Variants in LRRTM4 observed in about 807,000 individuals in gnomAD.
LRRTM4 encodes leucine-rich repeat transmembrane neuronal protein 4.
Under a neutral mutation model 47.6 loss-of-function variants are expected in LRRTM4, and 25 were observed. The observed-to-expected ratio is 0.53, with a 90% CI of 0.38 to 0.73. The LOEUF is 0.73. Among genes scored for constraint, LRRTM4 ranks in the 30% least tolerant of loss-of-function variants. The pLI, the probability that LRRTM4 is intolerant of heterozygous loss-of-function variation, is 0.00. For synonymous variants in LRRTM4, 311 were observed against 269.5 expected, an observed-to-expected ratio of 1.15 and a Z score of -1.51; for missense variants, 638 against 713.4, an observed-to-expected ratio of 0.89 and a Z score of 1.20.
Position 77,084,713 on chromosome 2 carries a change from T to A in LRRTM4, c.1552-335797A>T, listed in dbSNP as rs753399847. On this transcript the variant is annotated intron_variant, in intron 3 of 3. Coordinates refer to ENST00000409884, the MANE Select transcript of LRRTM4 (RefSeq NM_001134745.3). ...AGCATCAGCTGGTGTCATCATGAGA[T>A]AGTTATAATAATGGGACCTACTATT... Among the ~76,000 whole-genome samples, 3 of 152,296 alleles carry A rather than the reference T, an allele frequency of 2.0e-5. No individual in the cohort carries two copies. The South Asian group carries it at 6.2e-4, about 32-fold the overall frequency.
intron 3 of LRRTM4, among the ~76,000 whole-genome samples, chr2:77,485,700 C>T (rs114968282): frequency 0.018 from 2,720 of 152,222 alleles, 85 homozygotes; most frequent in African/African-American, 0.062. Flanking sequence ...GGCAGCTTCT[C>T]TCATACACTT....
At chr2:77,053,765 G>A (rs1679515249) in intron 3 of LRRTM4, among the ~76,000 whole-genome samples, 1 of 151,886 alleles carries the variant, frequency 6.6e-6, no homozygotes, top group Admixed American at 6.6e-5. Context: ...AAAAAAGTAA[G>A]GGAAAATTAA....
chr2:77,338,149 C>A (rs1671232419), intron 3 of LRRTM4, among the ~76,000 whole-genome samples: 2 of 152,180 alleles, frequency 1.3e-5, no homozygotes, highest in African/African-American at 2.4e-5. Context: ...TGGAACACAA[C>A]CTAGGCAACA....
intron 3 of LRRTM4, among the ~76,000 whole-genome samples, chr2:77,134,079 C>T (rs1486059664): frequency 6.6e-6 from 1 of 152,032 alleles, no homozygotes; most frequent in African/African-American, 2.4e-5. Flanking sequence ...AAAACACATC[C>T]ATATCTACTT....
At position 76,867,732 on chromosome 2, in the gene LRRTM4, G is replaced by T. The variant is rs62173109; in HGVS notation, c.1552-118816C>A. ...ATCAGTAACTTAACCTGGTAAAATA[G>T]AGTTTTTTATTGTTTATTGATGGTG... is the stretch of plus-strand genomic sequence containing the variant. On this transcript the variant is annotated intron_variant, in intron 3 of 3. Coordinates refer to ENST00000409884, the MANE Select transcript of LRRTM4 (RefSeq NM_001134745.3). 8.4e-3 allele frequency among the ~76,000 whole-genome samples: 1,283 copies of T among 152,186 alleles called. 5 individuals carry two copies. The highest frequency in any genetic ancestry group is 0.017 in the Middle Eastern group (5 of 294).
intron 3 of LRRTM4, among the ~76,000 whole-genome samples, chr2:77,056,694 C>A (rs546094666): frequency 1.1e-4 from 16 of 152,152 alleles, no homozygotes; most frequent in African/African-American, 3.4e-4. Context: ...ATTGTATGTA[C>A]CTGGGTATAT....
At chr2:77,308,506 G>A (rs938695853) in intron 3 of LRRTM4, among the ~76,000 whole-genome samples, 9 of 151,988 alleles carry the variant, frequency 5.9e-5, no homozygotes, top group Middle Eastern at 3.2e-3. Context: ...TTCCTCATGT[G>A]AGTTTTGTAG....
intron 3 of LRRTM4, among the ~76,000 whole-genome samples, chr2:77,221,740 C>A (rs1674639109): frequency 6.6e-6 from 1 of 152,000 alleles, no homozygotes; most frequent in African/African-American, 2.4e-5. Flanking sequence ...GACTTAGACT[C>A]CCACACAATA....
chr2:77,266,552 T>C (rs1375242656), intron 3 of LRRTM4, among the ~76,000 whole-genome samples: 2 of 152,114 alleles, frequency 1.3e-5, no homozygotes, highest in African/African-American at 4.8e-5. Flanking sequence ...AAGTGTTAAA[T>C]GATTTAGTAG....
At chr2:77,124,264 G>T (rs548005350) in intron 3 of LRRTM4, among the ~76,000 whole-genome samples, 14 of 152,184 alleles carry the variant, frequency 9.2e-5, no homozygotes, top group African/African-American at 3.4e-4. Context: ...CAAAGAGACT[G>T]ATAGAATGTG....
At chr2:76,875,513 G>A (rs182986461) in intron 3 of LRRTM4, among the ~76,000 whole-genome samples, 332 of 152,180 alleles carry the variant, frequency 2.2e-3, no homozygotes, top group African/African-American at 7.8e-3. Flanking sequence ...GTAAATGAGT[G>A]AATGAACTAC....
chr2:77,492,473 G>A (rs1184753900), intron 3 of LRRTM4, among the ~76,000 whole-genome samples: 2 of 151,974 alleles, frequency 1.3e-5, no homozygotes, highest in East Asian at 3.9e-4. Flanking sequence ...TGCTGAGGCT[G>A]GACTTGAACT....
intron 3 of LRRTM4, among the ~76,000 whole-genome samples, chr2:76,915,867 A>G (rs993452684): frequency 1.3e-5 from 2 of 152,164 alleles, no homozygotes; most frequent in African/African-American, 4.8e-5. Context: ...TACTTCTATA[A>G]AAGTAGATTA....
chr2:77,430,248 T>C (rs2103903121), intron 3 of LRRTM4, among the ~76,000 whole-genome samples: 1 of 152,336 alleles, frequency 6.6e-6, no homozygotes, highest in Admixed American at 6.5e-5. Context: ...AAACATCATG[T>C]TGTACACAAT....
intron 3 of LRRTM4, among the ~76,000 whole-genome samples, chr2:77,166,236 A>AATG (rs1422935631): frequency 6.6e-6 from 1 of 152,198 alleles, no homozygotes; most frequent in East Asian, 1.9e-4. Context: ...AATACCTGGG[A>AATG]ATGCAACTTG....
In LRRTM4 at chr2:77,297,192, C is replaced by T. The variant is rs138907754; in HGVS notation, c.1551+221126G>A. Among the ~76,000 whole-genome samples, 837 of 152,092 alleles carry T rather than the reference C, an allele frequency of 5.5e-3. 2 individuals are homozygous for T. Among genetic ancestry groups the T allele is most frequent in the Non-Finnish European group, 9.4e-3 (642 of 67,988 alleles). On this transcript the variant is annotated intron_variant, in intron 3 of 3. Transcript: ENST00000409884. ...TTTGCATTTACATGGAAGTTTTCTT[C>T]CAGCATTTTAGAAGCCACAAGGGGG...
chr2:76,849,306 T>C (rs1311362220), intron 3 of LRRTM4, among the ~76,000 whole-genome samples: 1 of 152,070 alleles, frequency 6.6e-6, no homozygotes, highest in Non-Finnish European at 1.5e-5. Flanking sequence ...GCATTGTCAG[T>C]GTGATCCTCC....
intron 3 of LRRTM4, among the ~76,000 whole-genome samples, chr2:77,267,885 A>G (rs1004407340): frequency 6.6e-6 from 1 of 152,194 alleles, no homozygotes; most frequent in African/African-American, 2.4e-5. Context: ...AGTCCTAAAC[A>G]TGTTCAGAAG....
intron 3 of LRRTM4, among the ~76,000 whole-genome samples, chr2:77,406,892 T>C (rs984580081): frequency 2.6e-5 from 4 of 152,154 alleles, no homozygotes; most frequent in Non-Finnish European, 4.4e-5. Flanking sequence ...AATACGTCTT[T>C]CCATCCTAGT....
Sources: gnomAD v4.1 joint callset for allele counts (sites outside exome capture counted in the v4.1 genomes callset) on GRCh38, gnomAD v4.1.1 for gene constraint, MANE v1.5 for transcripts, NCBI Gene and HGNC (gene_info 2026-07-23, HGNC 2026-07-21) for gene names.